ADAMTSL1: variants seen among roughly 807,000 people sequenced by gnomAD.
The protein encoded by ADAMTSL1 is ADAMTS-like protein 1.
Under a neutral mutation model 201.8 loss-of-function variants are expected in ADAMTSL1, and 126 were observed. The ratio of observed to expected loss-of-function variants is 0.62; its 90% confidence interval spans 0.54 to 0.72. ADAMTSL1 has a LOEUF of 0.72. ADAMTSL1 is among the 30% of genes least tolerant of loss of function. ADAMTSL1 has a pLI of 0.00. For missense variants in ADAMTSL1, 2,679 were observed against 2,277.8 expected (o/e 1.18, Z -3.59); for synonymous variants, 1,121 against 903.4 (o/e 1.24, Z -4.32).
intron 19 of ADAMTSL1, among the ~76,000 whole-genome samples, chr9:18,778,461 G>T (rs1045437593): frequency 3.9e-5 from 6 of 152,156 alleles, no homozygotes; most frequent in African/African-American, 1.4e-4. Flanking sequence ...AATATCTCCT[G>T]TTGTCTCTGT....
chr9:18,181,524 A>C (rs954671263), intron 2 of ADAMTSL1, among the ~76,000 whole-genome samples: 2 of 151,922 alleles, frequency 1.3e-5, no homozygotes, highest in African/African-American at 4.8e-5. Context: ...CAGCCAAAAA[A>C]CACATGAAAA....
intron 2 of ADAMTSL1, among the ~76,000 whole-genome samples, chr9:18,295,910 TC>T (rs1462652592): frequency 6.6e-6 from 1 of 152,214 alleles, no homozygotes; most frequent in East Asian, 1.9e-4. Flanking sequence ...GTTGGAGAGA[TC>T]TGTCACGACC....
chr9:18,649,183 C>G (rs1828026669), intron 7 of ADAMTSL1, among the ~76,000 whole-genome samples: 2 of 152,352 alleles, frequency 1.3e-5, no homozygotes, highest in South Asian at 4.1e-4. Context: ...ATTGCATCAG[C>G]TCCTGAGGCT....
intron 3 of ADAMTSL1, among the ~76,000 whole-genome samples, chr9:18,570,468 G>C (rs754954964): frequency 6.6e-6 from 1 of 152,042 alleles, no homozygotes; most frequent in Non-Finnish European, 1.5e-5. Flanking sequence ...GAAATGTTTT[G>C]GGTTCAAACA....
chr9:18,497,830 A>T (rs1147795), intron 1 of ADAMTSL1, among the ~76,000 whole-genome samples: 139,996 of 152,244 alleles, frequency 0.92, 65,274 homozygotes, highest in Non-Finnish European at 1. Context: ...GTTTTCTAGA[A>T]GAGCTATAAT....
chr9:18,062,014 A>G (rs1425288109), intron 1 of ADAMTSL1, among the ~76,000 whole-genome samples: 6 of 152,212 alleles, frequency 3.9e-5, no homozygotes, highest in Non-Finnish European at 8.8e-5. Flanking sequence ...AGTGCAGTGA[A>G]TTGAGGGCCA....
At chr9:18,786,329 T>C (rs1031193824) in intron 19 of ADAMTSL1, among the ~76,000 whole-genome samples, 2 of 152,166 alleles carry the variant, frequency 1.3e-5, no homozygotes, top group African/African-American at 4.8e-5. Context: ...AGCAACCTGA[T>C]GGCACATCAG....
At chr9:18,490,274 A>G (rs1189524308) in intron 1 of ADAMTSL1, among the ~76,000 whole-genome samples, 1 of 152,060 alleles carries the variant, frequency 6.6e-6, no homozygotes, top group African/African-American at 2.4e-5. Context: ...GACAGGGGGA[A>G]CAGAAGGAAG....
At chr9:18,372,156 T>C (rs775897150) in intron 2 of ADAMTSL1, among the ~76,000 whole-genome samples, 6 of 152,144 alleles carry the variant, frequency 3.9e-5, no homozygotes, top group Non-Finnish European at 8.8e-5. Flanking sequence ...AAATAAAATT[T>C]GTCTACCGTA....
chr9:18,001,158 C>G (rs982111027), intron 1 of ADAMTSL1, among the ~76,000 whole-genome samples: 3 of 150,132 alleles, frequency 2.0e-5, no homozygotes, highest in Non-Finnish European at 4.5e-5. Context: ...TTGAAATAGA[C>G]AAATAAAGGA....
At chr9:18,738,156 G>C (rs1333456902) in intron 15 of ADAMTSL1, among the ~76,000 whole-genome samples, 1 of 152,146 alleles carries the variant, frequency 6.6e-6, no homozygotes, top group Non-Finnish European at 1.5e-5. Flanking sequence ...TAGAATAGGG[G>C]ACCCAGATGG....
chr9:18,393,552 T>C (rs539109592), intron 2 of ADAMTSL1, among the ~76,000 whole-genome samples: 2 of 152,306 alleles, frequency 1.3e-5, no homozygotes, highest in African/African-American at 4.8e-5. Context: ...ACTAAGGATG[T>C]TAAAGAAGAC....
chr9:18,688,608 C>A (rs578002301), intron 13 of ADAMTSL1, among the ~76,000 whole-genome samples: 3 of 126,498 alleles, frequency 2.4e-5, no homozygotes, highest in African/African-American at 9.0e-5. Flanking sequence ...GCGGAGGCTG[C>A]AGTGAGCTGA....
intron 2 of ADAMTSL1, among the ~76,000 whole-genome samples, chr9:18,265,458 G>T (rs917325310): frequency 6.6e-6 from 1 of 151,948 alleles, no homozygotes; most frequent in Non-Finnish European, 1.5e-5. Context: ...GACTTTTATT[G>T]TCTCCTTCTC....
intron 23 of ADAMTSL1, among the ~76,000 whole-genome samples, chr9:18,862,476 T>A (rs1827272642): frequency 6.6e-6 from 1 of 152,216 alleles, no homozygotes; most frequent in Non-Finnish European, 1.5e-5. Flanking sequence ...CCTCTGAAAC[T>A]GTTGTTTTCT....
intron 2 of ADAMTSL1, among the ~76,000 whole-genome samples, chr9:18,515,561 G>T (rs191785875): frequency 1.2e-4 from 18 of 152,150 alleles, no homozygotes; most frequent in African/African-American, 4.3e-4. Flanking sequence ...TGTCTCCCTC[G>T]TGAGCTCAAG....
intron 28 of ADAMTSL1, 127 bp from the exon 29 acceptor site, chr9:18,908,315 A>G (rs1196636591): frequency 1.3e-6 from 1 of 793,436 alleles, no homozygotes; most frequent in Non-Finnish European, 2.1e-6. Context: ...AGCGGTGGCC[A>G]AGGCAGACCC....
chr9:18,032,767 T>C (rs1463487561), intron 1 of ADAMTSL1, among the ~76,000 whole-genome samples: 1 of 152,172 alleles, frequency 6.6e-6, no homozygotes, highest in Admixed American at 6.5e-5. Flanking sequence ...GGTTGTGGTA[T>C]CTCTTGTGGC....
chr9:18,797,727 A>G (rs1822518331), intron 20 of ADAMTSL1, among the ~76,000 whole-genome samples: 1 of 152,214 alleles, frequency 6.6e-6, no homozygotes, highest in South Asian at 2.1e-4. Context: ...CTCATCTGTA[A>G]AAATTTAACT....
Sources: allele counts gnomAD v4.1 joint callset (sites outside exome capture counted in the v4.1 genomes callset), GRCh38; gene constraint gnomAD v4.1.1; transcripts MANE v1.5; gene names NCBI Gene and HGNC (gene_info 2026-07-23, HGNC 2026-07-21).